Variants in HPSE2 observed in about 807,000 individuals in gnomAD.
HPSE2 encodes the protein heparanase 2 (inactive), also known as inactive heparanase-2.
In HPSE2, 38 loss-of-function variants were observed where a neutral mutation model predicts 60.5. The observed-to-expected ratio is 0.63, with a 90% CI of 0.48 to 0.82. HPSE2 has a LOEUF of 0.82. Ranked by LOEUF, HPSE2 falls within the 40% of genes least tolerant of loss-of-function variation. HPSE2 has a pLI of 0.00. For synonymous variants in HPSE2, 295 were observed against 293.2 expected (o/e 1.01, Z -0.06); for missense variants, 713 against 740.4 (o/e 0.96, Z 0.43).
chr10:99,068,605 G>T (rs1485684234), intron 3 of HPSE2, among the ~76,000 whole-genome samples: 1 of 152,188 alleles, frequency 6.6e-6, no homozygotes, highest in African/African-American at 2.4e-5. Context: ...TCAGATTTGT[G>T]TAGGGATACA....
At chr10:99,255,318 A>G in the HPSE2 span, among the ~76,000 whole-genome samples, 2 of 152,206 alleles carry the variant, frequency 1.3e-5, no homozygotes, top group South Asian at 4.1e-4. Context: ...TTAGTTTTAT[A>G]CAAACTCTTC....
At chr10:98,889,838 G>GA (rs1306108721) in intron 3 of HPSE2, among the ~76,000 whole-genome samples, 1 of 152,122 alleles carries the variant, frequency 6.6e-6, no homozygotes, top group African/African-American at 2.4e-5. Flanking sequence ...TGGAACGGAG[G>GA]ATGGGGGGGA....
intron 9 of HPSE2, among the ~76,000 whole-genome samples, chr10:98,512,675 G>C (rs1182242496): frequency 1.3e-5 from 2 of 151,930 alleles, no homozygotes; most frequent in Non-Finnish European, 2.9e-5. Context: ...TCTCCTTACT[G>C]ATTCACCTTT....
the HPSE2 span, among the ~76,000 whole-genome samples, chr10:99,286,851 G>T: frequency 1.3e-5 from 2 of 152,288 alleles, no homozygotes; most frequent in South Asian, 4.1e-4. Context: ...TAATAGGATA[G>T]TCTCTCATTT....
At chr10:99,018,690 T>C (rs906801743) in intron 3 of HPSE2, among the ~76,000 whole-genome samples, 1 of 152,166 alleles carries the variant, frequency 6.6e-6, no homozygotes, top group African/African-American at 2.4e-5. Flanking sequence ...ATGCTCAATA[T>C]GACAAGGAAA....
intron 3 of HPSE2, among the ~76,000 whole-genome samples, chr10:98,998,134 G>A (rs1320580633): frequency 6.6e-6 from 1 of 152,108 alleles, no homozygotes; most frequent in East Asian, 1.9e-4. Context: ...AATTTGAAAA[G>A]GTCTTTATCT....
chr10:98,821,439 AAAT>A (rs1197852146), intron 3 of HPSE2, among the ~76,000 whole-genome samples: 24 of 152,298 alleles, frequency 1.6e-4, no homozygotes, highest in African/African-American at 5.8e-4. Context: ...GGTACAGTAA[AAAT>A]AAGGTATTAC....
Position 99,154,626 on chromosome 10 carries a change from C to T in HPSE2, c.449-10227G>A, listed in dbSNP as rs374623192. Among the ~76,000 whole-genome samples, 44 of 151,712 alleles carry T rather than the reference C, an allele frequency of 2.9e-4. No homozygotes were observed. In the East Asian group the frequency reaches 6.6e-3, roughly 23 times the overall value. On this transcript the variant is annotated intron_variant, in intron 2 of 11. Transcript: ENST00000370552. ...AGCGCTAAACATGGAAAGGAACAAC[C>T]GGTACCAGCCGCTGCAAAATCATGC...
intron 3 of HPSE2, among the ~76,000 whole-genome samples, chr10:98,940,143 A>T (rs1954944743): frequency 7.0e-6 from 1 of 143,850 alleles, no homozygotes; most frequent in South Asian, 2.1e-4. Flanking sequence ...AAGATCCAAA[A>T]TTGACACCCT....
chr10:98,888,726 T>C (rs1455812131), intron 3 of HPSE2, among the ~76,000 whole-genome samples: 1 of 152,188 alleles, frequency 6.6e-6, no homozygotes, highest in African/African-American at 2.4e-5. Context: ...AAAAGGTGTT[T>C]CTCAACAGCC....
chr10:98,977,103 G>C (rs1007010725), intron 3 of HPSE2, among the ~76,000 whole-genome samples: 1 of 152,170 alleles, frequency 6.6e-6, no homozygotes, highest in South Asian at 2.1e-4. Flanking sequence ...AGAACTGTGA[G>C]AGAGTACATT....
chr10:99,003,244 A>G (rs1381626646), intron 3 of HPSE2, among the ~76,000 whole-genome samples: 3 of 152,076 alleles, frequency 2.0e-5, no homozygotes, highest in Admixed American at 6.5e-5. Context: ...TTCTTTATCA[A>G]TTCATTTGCT....
intron 3 of HPSE2, among the ~76,000 whole-genome samples, chr10:98,807,268 C>A (rs1443950697): frequency 1.3e-5 from 2 of 152,146 alleles, no homozygotes; most frequent in South Asian, 2.1e-4. Context: ...CCATTTTAAC[C>A]ATTTTAAGAG....
intron 3 of HPSE2, among the ~76,000 whole-genome samples, chr10:99,006,388 C>T (rs1279620804): frequency 6.6e-6 from 1 of 152,164 alleles, no homozygotes; most frequent in Non-Finnish European, 1.5e-5. Context: ...AAGTCTGGCA[C>T]TGAGCAGGCC....
the HPSE2 span, among the ~76,000 whole-genome samples, chr10:99,273,103 T>A: frequency 6.6e-6 from 1 of 152,108 alleles, no homozygotes; most frequent in African/African-American, 2.4e-5. Context: ...AGGAACAAAA[T>A]AAAGACATTT....
chr10:98,796,814 C>T (rs1259815314), intron 3 of HPSE2, among the ~76,000 whole-genome samples: 1 of 152,164 alleles, frequency 6.6e-6, no homozygotes, highest in Non-Finnish European at 1.5e-5. Context: ...AGTTCCAGCA[C>T]CTCAGTACAG....
intron 6 of HPSE2, among the ~76,000 whole-genome samples, chr10:98,656,778 T>TTG (rs1565053834): frequency 6.7e-6 from 1 of 149,664 alleles, no homozygotes. Context: ...TTTTTTTTTT[T>TTG]GGGATGGAGT....
chr10:98,668,783 C>A (rs562370261), intron 6 of HPSE2, among the ~76,000 whole-genome samples: 1 of 152,120 alleles, frequency 6.6e-6, no homozygotes, highest in Non-Finnish European at 1.5e-5. Context: ...AAATGTAATA[C>A]CTCAAACTAT....
intron 11 of HPSE2, among the ~76,000 whole-genome samples, chr10:98,470,965 C>T (rs367772514): frequency 2.6e-5 from 4 of 152,208 alleles, no homozygotes; most frequent in Non-Finnish European, 4.4e-5. Flanking sequence ...AATGTCAAGT[C>T]GCTGTAAAAC....
Sources: allele counts gnomAD v4.1 joint callset (sites outside exome capture counted in the v4.1 genomes callset), GRCh38; gene constraint gnomAD v4.1.1; transcripts MANE v1.5; gene names NCBI Gene and HGNC (gene_info 2026-07-23, HGNC 2026-07-21).